Variants in CCDC12 observed in about 807,000 individuals in gnomAD.
The protein encoded by CCDC12 is coiled-coil domain-containing protein 12.
CCDC12 carries 28 observed loss-of-function variants against 25.7 expected under a neutral mutation model. The observed-to-expected ratio is 1.09, with a 90% CI of 0.81 to 1.50. The LOEUF is 1.50. Ranked by LOEUF, CCDC12 falls within the 40% of genes most tolerant of loss-of-function variation. The probability of loss-of-function intolerance (pLI) is 0.00; values close to 1 mark genes in which losing one functional copy is unlikely to be tolerated. For missense variants in CCDC12, 198 were observed against 210.0 expected (o/e 0.94, Z 0.35); for synonymous variants, 75 against 87.7 (o/e 0.86, Z 0.81).
rs558451046 is a variant in CCDC12 at position 46,964,522 on chromosome 3, G to T, written c.96+12115C>A. On this transcript the variant is annotated intron_variant, in intron 1 of 6. Coordinates refer to ENST00000683445, the MANE Select transcript of CCDC12 (RefSeq NM_001277074.2). Reference sequence around the variant, plus strand: ...TGAGGAACAGAAAAGGGGGAAAGGTGGGGAAAAGATTGAGAAATCGGATGG... The same window carrying T: ...TGAGGAACAGAAAAGGGGGAAAGGTTGGGAAAAGATTGAGAAATCGGATGG... Among the ~76,000 whole-genome samples the T allele has an allele frequency of 1.1e-4, 16 of 152,376 alleles. No individual in the cohort carries two copies. The South Asian group carries it at 3.3e-3, about 32-fold the overall frequency.
upstream of CCDC12, among the ~76,000 whole-genome samples, chr3:46,978,870 C>A (rs192575678): frequency 7.2e-4 from 110 of 152,236 alleles, 1 homozygote; most frequent in East Asian, 0.019. Flanking sequence ...GTAGTCCCAG[C>A]TACTCAGGAG....
intron 1 of CCDC12, among the ~76,000 whole-genome samples, chr3:46,941,804 T>A (rs1293733153): frequency 6.6e-6 from 1 of 152,202 alleles, no homozygotes; most frequent in African/African-American, 2.4e-5. Context: ...CAGGGCAGGA[T>A]GAGAGCTCAG....
At chr3:46,961,955 A>T (rs970168151) in intron 1 of CCDC12, among the ~76,000 whole-genome samples, 13 of 152,224 alleles carry the variant, frequency 8.5e-5, no homozygotes, top group African/African-American at 2.9e-4. Context: ...CACACCACAC[A>T]AAAGTAAATT....
At chr3:46,957,532 T>C (rs2034327873) in intron 1 of CCDC12, among the ~76,000 whole-genome samples, 1 of 152,220 alleles carries the variant, frequency 6.6e-6, no homozygotes. Flanking sequence ...AATAAGTGCC[T>C]TGGCTACACA....
At chr3:46,946,028 A>C (rs1347383995) in intron 1 of CCDC12, among the ~76,000 whole-genome samples, 1 of 152,220 alleles carries the variant, frequency 6.6e-6, no homozygotes, top group Non-Finnish European at 1.5e-5. Flanking sequence ...TGGCACATGA[A>C]GCGTGGGGGC....
chr3:46,932,682 C>T (rs7623898), intron 2 of CCDC12, among the ~76,000 whole-genome samples: 47,910 of 152,128 alleles, frequency 0.31, 8,043 homozygotes, highest in East Asian at 0.54. Context: ...AGGGGGTGGA[C>T]AGGCCTCCAA....
chr3:46,925,455 C>T lies in CCDC12; in HGVS notation c.244+1G>A, dbSNP rs1478965643. The T allele has an allele frequency of 6.2e-7, 1 of 1,613,564 alleles. No individual in the cohort carries two copies. The highest frequency in any genetic ancestry group is 1.7e-5 in the Admixed American group (1 of 59,998). On this transcript the variant is annotated splice_donor_variant, in intron 3 of 6. Transcript: ENST00000683445. LOFTEE classifies it high-confidence loss of function. ...GAGGTGGAGAGGGACAGCTTGCTTA[C>T]CTGCAACCGGTTTGGCCTGGGGCAC...
At chr3:46,930,554 G>C (rs938779403) in intron 2 of CCDC12, among the ~76,000 whole-genome samples, 1 of 152,124 alleles carries the variant, frequency 6.6e-6, no homozygotes, top group African/African-American at 2.4e-5. Flanking sequence ...ACCCTATACC[G>C]GCAGCCAGTG....
chr3:46,951,798 A>AAAAATATATATATAT, intron 1 of CCDC12, among the ~76,000 whole-genome samples: 1 of 8,466 alleles, frequency 1.2e-4, no homozygotes. Flanking sequence ...AAAAAAAAAA[A>AAAAATATATATATAT]ATATATATAT....
chr3:46,922,724 C>G (rs369028770), intron 5 of CCDC12: 1 of 271,528 alleles, frequency 3.7e-6, no homozygotes, highest in Non-Finnish European at 7.1e-6. Flanking sequence ...TCAGCCCATT[C>G]TCTCTGGCTC....
chr3:46,971,022 T>A (rs771363220), intron 1 of CCDC12, among the ~76,000 whole-genome samples: 9 of 152,216 alleles, frequency 5.9e-5, no homozygotes, highest in Non-Finnish European at 8.8e-5. Flanking sequence ...TTTCAGACTG[T>A]ACCCCTGCCC....
In CCDC12 at chr3:46,921,936, G is replaced by A; in HGVS notation, c.*121C>T. On this transcript the variant is annotated 3_prime_UTR_variant, in exon 7 of 7. Coordinates refer to ENST00000683445, the MANE Select transcript of CCDC12 (RefSeq NM_001277074.2). The stretch of plus-strand genomic sequence containing the variant: ...CATCCATGGGGGTTTCAGACTTGAT[G>A]GGCAGGGAGTCTCTGCTCAGAAGCC... The A allele has an allele frequency of 9.8e-7, 1 of 1,023,084 alleles. No homozygotes were observed. Among genetic ancestry groups the A allele is most frequent in the Non-Finnish European group, 1.5e-6 (1 of 686,106 alleles). The allele number at this position is 1,023,084 out of a possible 1,614,324, so 63.4% of individuals were successfully genotyped here.
chr3:46,976,163 C>A (rs1468470926), intron 1 of CCDC12: 2 of 316,750 alleles, frequency 6.3e-6, no homozygotes, highest in East Asian at 1.7e-4. Flanking sequence ...GATTTTTGCA[C>A]GAAACGACTC....
At chr3:46,942,622 G>A (rs1205317017) in intron 1 of CCDC12, among the ~76,000 whole-genome samples, 1 of 152,144 alleles carries the variant, frequency 6.6e-6, no homozygotes, top group Non-Finnish European at 1.5e-5. Flanking sequence ...CAACCTCCGG[G>A]GAGCAGACTA....
intron 1 of CCDC12, among the ~76,000 whole-genome samples, chr3:46,957,726 G>A (rs561395801): frequency 2.6e-5 from 4 of 152,080 alleles, no homozygotes; most frequent in Non-Finnish European, 5.9e-5. Context: ...TGGATCACCT[G>A]AAGTCAGGAG....
At chr3:46,946,233 G>A (rs1163743471) in intron 1 of CCDC12, among the ~76,000 whole-genome samples, 2 of 152,138 alleles carry the variant, frequency 1.3e-5, no homozygotes, top group Non-Finnish European at 2.9e-5. Context: ...TCTACCTTGG[G>A]CACAAAGATA....
upstream of CCDC12, among the ~76,000 whole-genome samples, chr3:46,978,581 G>A (rs73831452): frequency 2.2e-3 from 315 of 141,908 alleles, 4 homozygotes; most frequent in African/African-American, 7.7e-3. Context: ...AAGGGGGCAC[G>A]GGGTGATGGT....
intron 1 of CCDC12, among the ~76,000 whole-genome samples, chr3:46,971,957 T>A (rs898463757): frequency 2.6e-5 from 4 of 151,962 alleles, no homozygotes; most frequent in Non-Finnish European, 5.9e-5. Context: ...TCATACTTCC[T>A]CACCAGACTC....
At chr3:46,952,986 C>A (rs372177209) in intron 1 of CCDC12, among the ~76,000 whole-genome samples, 7 of 152,294 alleles carry the variant, frequency 4.6e-5, no homozygotes, top group African/African-American at 1.7e-4. Flanking sequence ...CTACCTTTCA[C>A]ATGCAAATGG....
Sources: allele counts gnomAD v4.1 joint callset (sites outside exome capture counted in the v4.1 genomes callset), GRCh38; gene constraint gnomAD v4.1.1; transcripts MANE v1.5; gene names NCBI Gene and HGNC (gene_info 2026-07-23, HGNC 2026-07-21).